The following PTRH1 variants were observed in gnomAD, a reference collection of about 807,000 sequenced individuals.
PTRH1 encodes the protein peptidyl-tRNA hydrolase 1 homolog.
PTRH1 carries 13 observed loss-of-function variants against 15.7 expected under a neutral mutation model. That is an observed-to-expected ratio of 0.83 (90% CI 0.54 to 1.31). The LOEUF is 1.31. PTRH1 is among the 40% of genes most tolerant of loss of function. The probability of loss-of-function intolerance (pLI) is 0.00; values close to 1 mark genes in which losing one functional copy is unlikely to be tolerated. For synonymous variants in PTRH1, 139 were observed against 136.7 expected (o/e 1.02, Z -0.12); for missense variants, 319 against 296.2 (o/e 1.08, Z -0.56).
At position 127,699,098 on chromosome 9, in the gene PTRH1, T is replaced by C. The variant is rs1335775719; in HGVS notation, c.206-3957A>G. Among the ~76,000 whole-genome samples the C allele has an allele frequency of 2.0e-5, 3 of 152,210 alleles. No homozygotes were observed. In the East Asian group the frequency reaches 5.8e-4, roughly 29 times the overall value. The stretch of plus-strand genomic sequence containing the variant: ...GGTTTCACCATGTTTGCCAGACTGG[T>C]CTCGAACTCATGACCTCAAGTCATC... On this transcript the variant is annotated intron_variant, in intron 1 of 2. Transcript: ENST00000335223.
downstream of PTRH1, chr9:127,710,812 C>A (rs988803081): frequency 6.5e-7 from 1 of 1,534,912 alleles, no homozygotes; most frequent in Non-Finnish European, 8.8e-7. Flanking sequence ...GGGCTACGAA[C>A]ATCCTAGTCT....
intron 1 of PTRH1, among the ~76,000 whole-genome samples, chr9:127,707,878 G>C (rs1365849861): frequency 6.6e-6 from 1 of 152,198 alleles, no homozygotes; most frequent in Non-Finnish European, 1.5e-5. Context: ...TCTTCCCCAG[G>C]TGACTGATGC....
At chr9:127,706,888 C>A in intron 1 of PTRH1, 1 of 946,656 alleles carries the variant, frequency 1.1e-6, no homozygotes, top group Non-Finnish European at 1.6e-6. Context: ...TGGAGTGGGA[C>A]CTGGTACCGG....
downstream of PTRH1, chr9:127,712,667 G>A (rs1199231117): frequency 1.2e-6 from 2 of 1,613,912 alleles, no homozygotes; most frequent in Non-Finnish European, 1.7e-6. Context: ...GGTGGGTACT[G>A]GGGCCACTGT....
chr9:127,711,257 A>G, downstream of PTRH1: 1 of 1,614,180 alleles, frequency 6.2e-7, no homozygotes, highest in Non-Finnish European at 8.5e-7. Flanking sequence ...CCAGCGCGTG[A>G]ACCTCGTGGC....
At chr9:127,702,393 C>T (rs1031080726) in intron 1 of PTRH1, among the ~76,000 whole-genome samples, 15 of 149,570 alleles carry the variant, frequency 1.0e-4, no homozygotes, top group African/African-American at 2.2e-4. Flanking sequence ...AAAAAAAAGC[C>T]GGAGGTGGTG....
chr9:127,695,480 T>A (rs971413707), intron 1 of PTRH1: 4 of 239,792 alleles, frequency 1.7e-5, no homozygotes, highest in Non-Finnish European at 3.2e-5. Context: ...ACTGACAAAC[T>A]GCATCTGCCG....
At chr9:127,712,656 G>C (rs781021008), downstream of PTRH1, 1 of 1,613,606 alleles carries the variant, frequency 6.2e-7, no homozygotes, top group African/African-American at 1.3e-5. Flanking sequence ...TCCTGGACGA[G>C]GGTGGGTACT....
downstream of PTRH1, chr9:127,709,619 AGGCGCAGCT>A (rs1842718287): frequency 6.2e-7 from 1 of 1,613,806 alleles, no homozygotes; most frequent in Admixed American, 1.7e-5. The surrounding 1 kb of genome is among the most constrained non-coding windows in gnomAD (Gnocchi z 4.7). Flanking sequence ...GATGCCTTCG[AGGCGCAGCT>A]GGCCCAGGTG....
intron 1 of PTRH1, among the ~76,000 whole-genome samples, chr9:127,708,794 C>T (rs1177041002): frequency 2.0e-5 from 3 of 152,192 alleles, no homozygotes; most frequent in African/African-American, 4.8e-5. Flanking sequence ...AAATGTGGCT[C>T]AGGGCCAAGA....
downstream of PTRH1, chr9:127,711,270 A>G (rs777717676): frequency 4.3e-6 from 7 of 1,614,056 alleles, no homozygotes; most frequent in Middle Eastern, 3.3e-4. Context: ...CTCGTGGCCA[A>G]TGAGTTCCAC....
intron 1 of PTRH1, among the ~76,000 whole-genome samples, chr9:127,703,968 G>A (rs1247659310): frequency 6.6e-6 from 1 of 152,168 alleles, no homozygotes; most frequent in Non-Finnish European, 1.5e-5. Context: ...GGGGTGCTGT[G>A]TAGAGAAAGG....
intron 1 of PTRH1, chr9:127,706,907 A>G: frequency 8.6e-7 from 1 of 1,164,526 alleles, no homozygotes; most frequent in Non-Finnish European, 1.2e-6. Context: ...GGCACCCAGC[A>G]AGAAGAGGGC....
At chr9:127,709,788 T>G, downstream of PTRH1, 4 of 1,347,192 alleles carry the variant, frequency 3.0e-6, no homozygotes, top group Non-Finnish European at 4.1e-6. This position sits in a 1 kb window ranked among gnomAD's most constrained non-coding sequence, Gnocchi z 4.7. Context: ...AATAGCCACA[T>G]GCTGCTTGGC....
At chr9:127,703,527 A>G (rs1842619916) in intron 1 of PTRH1, among the ~76,000 whole-genome samples, 1 of 152,124 alleles carries the variant, frequency 6.6e-6, no homozygotes, top group Non-Finnish European at 1.5e-5. Flanking sequence ...ATTTAAACTG[A>G]TTGGTTGTAA....
At chr9:127,703,172 T>G (rs1842616687) in intron 1 of PTRH1, among the ~76,000 whole-genome samples, 1 of 151,918 alleles carries the variant, frequency 6.6e-6, no homozygotes, top group Non-Finnish European at 1.5e-5. Context: ...CAATTAAGGC[T>G]AGGTGCTATG....
chr9:127,709,019 C>T (rs568129814), downstream of PTRH1, among the ~76,000 whole-genome samples: 2 of 152,326 alleles, frequency 1.3e-5, no homozygotes, highest in Admixed American at 1.3e-4. The surrounding 1 kb of genome is among the most constrained non-coding windows in gnomAD (Gnocchi z 4.7). Flanking sequence ...CTCAGAGTTC[C>T]TTTATCCTTC....
At chr9:127,714,744 C>T (rs780806087) in intron 2 of PTRH1, 42 bp from the exon 3 acceptor site, 1 of 1,504,102 alleles carries the variant, frequency 6.6e-7, no homozygotes, top group Non-Finnish European at 9.1e-7. Context: ...TGCCCATCTG[C>T]CCAGAGAGGC....
At chr9:127,707,192 G>A (rs374361940) in intron 1 of PTRH1, 26 of 1,610,098 alleles carry the variant, frequency 1.6e-5, no homozygotes, top group Admixed American at 8.3e-5. Context: ...CGGCTAGCCC[G>A]GTGCGTGGGC....
Sources: allele counts gnomAD v4.1 joint callset (sites outside exome capture counted in the v4.1 genomes callset), GRCh38; gene constraint gnomAD v4.1.1; non-coding constraint Gnocchi (gnomAD v3.1); transcripts MANE v1.5; gene names NCBI Gene and HGNC (gene_info 2026-07-23, HGNC 2026-07-21).